The following TIAM1 variants were observed in gnomAD, a reference collection of about 807,000 sequenced individuals.
TIAM1 encodes TIAM Rac1 associated GEF 1, also known as rho guanine nucleotide exchange factor TIAM1.
A neutral mutation model predicts 163.5 loss-of-function variants in TIAM1; 65 were observed. The observed-to-expected ratio is 0.40, with a 90% CI of 0.33 to 0.49. The LOEUF (loss-of-function observed/expected upper bound fraction) is 0.49, where lower values mean the gene tolerates loss of function less well. Among genes scored for constraint, TIAM1 ranks in the 20% least tolerant of loss-of-function variants. TIAM1 has a pLI of 0.77. For synonymous variants in TIAM1, 833 were observed against 810.1 expected, an observed-to-expected ratio of 1.03 and a Z score of -0.48; for missense variants, 1,789 against 2,044.7, an observed-to-expected ratio of 0.87 and a Z score of 2.41.
intron 2 of TIAM1, among the ~76,000 whole-genome samples, chr21:31,370,810 T>C (rs1279224096): frequency 6.6e-6 from 1 of 152,106 alleles, no homozygotes; most frequent in Non-Finnish European, 1.5e-5. Flanking sequence ...ATAAGAAGAC[T>C]TCACATAAAA....
At chr21:31,316,591 C>A (rs1055856678) in intron 2 of TIAM1, among the ~76,000 whole-genome samples, 1 of 152,188 alleles carries the variant, frequency 6.6e-6, no homozygotes, top group Non-Finnish European at 1.5e-5. Context: ...CTTATCGGAT[C>A]TAAGGTGTTC....
At chr21:31,154,216 G>A in intron 17 of TIAM1, 31 bp downstream of exon 17, 1 of 1,606,560 alleles carries the variant, frequency 6.2e-7, no homozygotes. Flanking sequence ...ACGAGGCAGA[G>A]GGAGGGCAGG....
At chr21:31,454,868 A>G (rs1044652425) in intron 2 of TIAM1, among the ~76,000 whole-genome samples, 1 of 152,182 alleles carries the variant, frequency 6.6e-6, no homozygotes, top group Non-Finnish European at 1.5e-5. Flanking sequence ...CGACTCCCCA[A>G]TAAGCAGGGA....
rs754658991 is a variant in TIAM1 at position 31,136,017 on chromosome 21, G to T, written c.3799C>A (p.Leu1267Met). 17 of 1,614,010 alleles carry T rather than the reference G, an allele frequency of 1.1e-5. No individual in the cohort carries two copies. In the African/African-American group the frequency reaches 1.9e-4, roughly 18 times the overall value. The change falls in exon 23 of 28, where the codon CTG becomes ATG. Residue 1267 changes from leucine to methionine, a missense_variant. Physicochemically the swap from Leu to Met is conservative, Grantham distance 15. This residue lies in a region of TIAM1 where 415 missense variants were observed against 439.2 expected (regional missense o/e 0.94). Transcript: ENST00000541036. ...KEVADLSMGD[L>M]LLHTTVIWLN... The stretch of plus-strand genomic sequence containing the variant: ...CAGATCACGGTAGTGTGCAAAAGCA[G>T]GTCTCCCATGCTCAGATCTGCAACC...
At chr21:31,488,725 A>G (rs1295762712) in intron 1 of TIAM1, among the ~76,000 whole-genome samples, 1 of 152,168 alleles carries the variant, frequency 6.6e-6, no homozygotes, top group Admixed American at 6.5e-5. Context: ...AACCATCCCC[A>G]TGATTCAATT....
chr21:31,316,597 T>C (rs845967), intron 2 of TIAM1, among the ~76,000 whole-genome samples: 20,829 of 152,062 alleles, frequency 0.14, 1,641 homozygotes, highest in Non-Finnish European at 0.19. Context: ...GGATCTAAGG[T>C]GTTCTGAGCC....
intron 5 of TIAM1, among the ~76,000 whole-genome samples, chr21:31,247,687 C>T (rs1240664848): frequency 1.3e-5 from 2 of 152,120 alleles, no homozygotes; most frequent in African/African-American, 4.8e-5. Flanking sequence ...TGAGGCACCA[C>T]ACCAAGCTAA....
intron 2 of TIAM1, among the ~76,000 whole-genome samples, chr21:31,416,894 T>C (rs541227065): frequency 6.6e-6 from 1 of 152,344 alleles, no homozygotes; most frequent in South Asian, 2.1e-4. Flanking sequence ...GCAAAGATCT[T>C]GGTGTGGGAC....
intron 2 of TIAM1, among the ~76,000 whole-genome samples, chr21:31,299,728 G>A (rs1024841701): frequency 2.6e-5 from 4 of 152,216 alleles, no homozygotes; most frequent in East Asian, 3.9e-4. Context: ...CAGAATCGGC[G>A]GGGATTTTGC....
At chr21:31,396,724 C>A (rs371813865) in intron 2 of TIAM1, among the ~76,000 whole-genome samples, 1 of 151,674 alleles carries the variant, frequency 6.6e-6, no homozygotes, top group Non-Finnish European at 1.5e-5. Flanking sequence ...CCAAGGTGGG[C>A]GGATCACTTG....
rs370447781 is a variant in TIAM1, at chr21:31,363,868, C to T, written c.-368-24446G>A. 6.6e-5 allele frequency among the ~76,000 whole-genome samples: 10 copies of T among 151,992 alleles called. No homozygotes were observed. The East Asian group carries it at 7.8e-4, about 12-fold the overall frequency. ...CCAAGGAAGTATCTCTGAAACCACA[C>T]AACATGCAATGAAACCACAGGAAAA... On this transcript the variant is annotated intron_variant, in intron 2 of 28. Transcript: ENST00000286827.
At chr21:31,483,930 G>T (rs1014958651) in intron 1 of TIAM1, among the ~76,000 whole-genome samples, 13 of 152,188 alleles carry the variant, frequency 8.5e-5, no homozygotes, top group African/African-American at 3.1e-4. Flanking sequence ...AGGCTGAAAG[G>T]TTGGGTCCCC....
chr21:31,261,387 G>T (rs952452567), intron 4 of TIAM1, among the ~76,000 whole-genome samples: 19 of 151,442 alleles, frequency 1.3e-4, no homozygotes, highest in Admixed American at 9.9e-4. Context: ...TGGAAGAAAA[G>T]GCCCTCCTTG....
At chr21:31,316,390 T>C (rs1012001284) in intron 2 of TIAM1, among the ~76,000 whole-genome samples, 2 of 152,218 alleles carry the variant, frequency 1.3e-5, no homozygotes, top group Non-Finnish European at 2.9e-5. Flanking sequence ...AATGGTGACA[T>C]GTAGCCACCC....
In TIAM1 at chr21:31,118,567, A is replaced by G. The variant is rs984545892; in HGVS notation, c.*1801T>C. Reference sequence around the variant, plus strand: ...GTCATGACCTTATGTACAAGAGACAATGGCACCCTCTCCAAGCACCAGACT... The same window carrying G: ...GTCATGACCTTATGTACAAGAGACAGTGGCACCCTCTCCAAGCACCAGACT... On this transcript the variant is annotated 3_prime_UTR_variant, in exon 28 of 28. Transcript: ENST00000541036. 36 of 471,684 alleles carry G rather than the reference A, an allele frequency of 7.6e-5. No homozygotes were observed. The highest frequency in any genetic ancestry group is 6.4e-4 in the Middle Eastern group (2 of 3,106). 29.2% of individuals were successfully genotyped at this position (471,684 alleles called of 1,614,324 possible). A position where few individuals can be genotyped will look rare whatever the true frequency, so the allele number is the denominator to read the frequency against.
intron 1 of TIAM1, among the ~76,000 whole-genome samples, chr21:31,541,156 T>C (rs1204985888): frequency 6.6e-6 from 1 of 152,088 alleles, no homozygotes; most frequent in Non-Finnish European, 1.5e-5. Context: ...AAGCAAACAA[T>C]ATATACTTAA....
At chr21:31,484,372 C>T (rs1269702101) in intron 1 of TIAM1, among the ~76,000 whole-genome samples, 2 of 152,182 alleles carry the variant, frequency 1.3e-5, no homozygotes, top group African/African-American at 2.4e-5. Flanking sequence ...GGCACATACC[C>T]GCAGGTATGA....
intron 2 of TIAM1, among the ~76,000 whole-genome samples, chr21:31,358,828 G>A (rs1431225875): frequency 1.3e-5 from 2 of 152,058 alleles, no homozygotes; most frequent in Admixed American, 1.3e-4. Flanking sequence ...TCCTTTTAAA[G>A]TATAAATTAG....
intron 25 of TIAM1, 130 bp downstream of exon 25, chr21:31,130,083 A>G (rs2082349866): frequency 1.5e-6 from 1 of 678,568 alleles, no homozygotes. Flanking sequence ...GAGACAAGAG[A>G]GTTAAGCATA....
Sources: allele counts gnomAD v4.1 joint callset (sites outside exome capture counted in the v4.1 genomes callset), GRCh38; gene constraint gnomAD v4.1.1; regional missense constraint gnomAD v4.1.1; transcripts MANE v1.5; gene names NCBI Gene and HGNC (gene_info 2026-07-23, HGNC 2026-07-21).